RRP15: variants seen among roughly 807,000 people sequenced by gnomAD.
RRP15 encodes the protein RRP15-like protein.
Under a neutral mutation model 27.1 loss-of-function variants are expected in RRP15, and 18 were observed. The observed-to-expected ratio is 0.66, with a 90% CI of 0.46 to 0.98. The LOEUF (loss-of-function observed/expected upper bound fraction) is 0.98. Among genes scored for constraint, RRP15 ranks in the 50% least tolerant of loss-of-function variants. The probability of loss-of-function intolerance (pLI) is 0.00; values close to 1 mark genes in which losing one functional copy is unlikely to be tolerated. For synonymous variants in RRP15, 107 were observed against 109.4 expected (o/e 0.98, Z 0.14); for missense variants, 359 against 337.8 (o/e 1.06, Z -0.49).
At chr1:218,316,687 A>G (rs1185204927) in intron 4 of RRP15, among the ~76,000 whole-genome samples, 1 of 152,222 alleles carries the variant, frequency 6.6e-6, no homozygotes, top group African/African-American at 2.4e-5. Context: ...AATGATGCTT[A>G]ACACATAGTA....
chr1:218,310,531 A>G (rs1655977472), intron 4 of RRP15, among the ~76,000 whole-genome samples: 1 of 152,238 alleles, frequency 6.6e-6, no homozygotes. Flanking sequence ...TAGGTTATAT[A>G]CATTGAGCCC....
Position 218,305,023 on chromosome 1 carries a change from C to T in RRP15, c.406-5C>T, listed in dbSNP as rs575286401. On this transcript the variant is annotated splice_region_variant and splice_polypyrimidine_tract_variant and intron_variant, in intron 2 of 4. Coordinates refer to ENST00000366932, the MANE Select transcript of RRP15 (RefSeq NM_016052.4). The stretch of plus-strand genomic sequence containing the variant: ...TTCTTTCACATAACAATATTTATAA[C>T]GCAGCGTGATAAGAGGCTGGAGTGG... 25 of 1,610,694 alleles carry T rather than the reference C, an allele frequency of 1.6e-5. No individual in the cohort carries two copies. The highest frequency in any genetic ancestry group is 8.9e-5 in the East Asian group (4 of 44,830).
intron 4 of RRP15, among the ~76,000 whole-genome samples, chr1:218,314,990 CAA>C (rs76826029): frequency 3.7e-4 from 23 of 61,806 alleles, no homozygotes; most frequent in Admixed American, 3.6e-4. Flanking sequence ...GGCTCCATCT[CAA>C]AAAAAAAAAA....
chr1:218,289,868 G>A lies in RRP15; in HGVS notation c.139+4413G>A, dbSNP rs542740874. Among the ~76,000 whole-genome samples, 4 of 152,262 alleles carry A rather than the reference G, an allele frequency of 2.6e-5. No homozygotes were observed. The South Asian group carries it at 8.3e-4, about 32-fold the overall frequency. On this transcript the variant is annotated intron_variant, in intron 1 of 4. Coordinates refer to ENST00000366932, the MANE Select transcript of RRP15 (RefSeq NM_016052.4). ...CAGCTAATTTTGTATTTTTAGTAGA[G>A]ACAGAGTTTCTCCATGTTGGTCAGG...
At chr1:218,306,949 T>C (rs2102501321) in intron 3 of RRP15, among the ~76,000 whole-genome samples, 1 of 152,358 alleles carries the variant, frequency 6.6e-6, no homozygotes, top group South Asian at 2.1e-4. Flanking sequence ...ATGTGGCTTG[T>C]GGCTCCTGTA....
chr1:218,287,366 G>A (rs915448579), intron 1 of RRP15, among the ~76,000 whole-genome samples: 10 of 152,014 alleles, frequency 6.6e-5, no homozygotes, highest in Non-Finnish European at 1.2e-4. Context: ...ATGCTGATTA[G>A]GTTTTAAGGT....
In RRP15 at chr1:218,337,907, A is replaced by G. The variant is rs541222582; in HGVS notation, c.*6816A>G. On this transcript the variant is annotated 3_prime_UTR_variant, in exon 5 of 5. Coordinates refer to ENST00000366932, the MANE Select transcript of RRP15 (RefSeq NM_016052.4). ...ACCCTGCAATGAATGTTGAACATAA[A>G]AAATTTGACTCCCTTTCCATGTGTC... The G allele has an allele frequency of 6.6e-6, 1 of 152,286 alleles. No individual in the cohort carries two copies. The highest frequency in any genetic ancestry group is 1.9e-4 in the East Asian group (1 of 5,176). 9.4% of individuals were successfully genotyped at this position (152,286 alleles called of 1,614,324 possible).
At chr1:218,302,196 A>G in intron 1 of RRP15, 98 bp from the exon 2 acceptor site, 2 of 866,368 alleles carry the variant, frequency 2.3e-6, no homozygotes. Context: ...CCTTGCAAAA[A>G]TGGGGACAGG....
intron 1 of RRP15, 112 bp from the exon 2 acceptor site, chr1:218,302,181 AC>A (rs1287156172): frequency 4.1e-6 from 3 of 735,878 alleles, no homozygotes; most frequent in African/African-American, 1.8e-5. Context: ...TCAGAAAAGT[AC>A]CCCCCTTGCA....
chr1:218,329,837 T>A (rs1002489729), intron 4 of RRP15, among the ~76,000 whole-genome samples: 3 of 151,840 alleles, frequency 2.0e-5, no homozygotes, highest in African/African-American at 7.3e-5. Flanking sequence ...TTTTTTTTTT[T>A]AAATGGAATG....
At chr1:218,289,276 A>C (rs78887300) in intron 1 of RRP15, among the ~76,000 whole-genome samples, 4,479 of 152,298 alleles carry the variant, frequency 0.029, 89 homozygotes, top group East Asian at 0.072. Flanking sequence ...CCTGTAAGGT[A>C]GCTGATGGCA....
rs1253987695 is a variant in RRP15, at chr1:218,335,778, TA to T, written c.*4688del. The T allele has an allele frequency of 6.6e-6, 1 of 152,204 alleles. No homozygotes were observed. Among genetic ancestry groups the T allele is most frequent in the East Asian group, 1.9e-4 (1 of 5,206 alleles). The allele number at this position is 152,204 out of a possible 1,614,324, so 9.4% of individuals were successfully genotyped here. A position where few individuals can be genotyped will look rare whatever the true frequency, so the allele number is the denominator to read the frequency against. ...AACTTTTATTGATATAATTTAGGCA[TA>T]TACAAATACTGGTGAAATTTTATTG... On this transcript the variant is annotated 3_prime_UTR_variant, in exon 5 of 5. Transcript: ENST00000366932.
intron 3 of RRP15, 34 bp from the exon 4 acceptor site, chr1:218,307,397 T>G: frequency 6.4e-7 from 1 of 1,557,344 alleles, no homozygotes; most frequent in Non-Finnish European, 8.8e-7. Context: ...GGTAATTATT[T>G]AATACATCAT....
intron 4 of RRP15, among the ~76,000 whole-genome samples, chr1:218,326,086 C>T (rs959937448): frequency 6.6e-6 from 1 of 152,144 alleles, no homozygotes; most frequent in African/African-American, 2.4e-5. Flanking sequence ...GGGTGGATCA[C>T]GTGAAGTCAG....
intron 4 of RRP15, among the ~76,000 whole-genome samples, chr1:218,309,623 C>T (rs1655958704): frequency 7.7e-6 from 1 of 130,154 alleles, no homozygotes; most frequent in East Asian, 2.2e-4. Context: ...GCAGAGGGTG[C>T]AGTGAGCCGA....
intron 3 of RRP15, among the ~76,000 whole-genome samples, chr1:218,306,137 G>GAT (rs1442508540): frequency 2.0e-5 from 3 of 152,076 alleles, no homozygotes; most frequent in Non-Finnish European, 4.4e-5. Context: ...GAAGGGTCTG[G>GAT]AATTTTACTC....
At chr1:218,325,404 T>A (rs1385484095) in intron 4 of RRP15, among the ~76,000 whole-genome samples, 1 of 152,190 alleles carries the variant, frequency 6.6e-6, no homozygotes, top group Non-Finnish European at 1.5e-5. Context: ...AAAGGCTGCA[T>A]TGGAAGTAAA....
chr1:218,308,697 C>G (rs1269274580), intron 4 of RRP15, among the ~76,000 whole-genome samples: 1 of 152,130 alleles, frequency 6.6e-6, no homozygotes, highest in Non-Finnish European at 1.5e-5. Flanking sequence ...ATCTACTTGT[C>G]TCTTTCTTGA....
chr1:218,322,688 A>G (rs116807455), intron 4 of RRP15, among the ~76,000 whole-genome samples: 11 of 152,222 alleles, frequency 7.2e-5, no homozygotes, highest in Non-Finnish European at 1.2e-4. Flanking sequence ...TTAATTCTCT[A>G]GCTAGTCCTG....
Sources: gnomAD v4.1 joint callset for allele counts (sites outside exome capture counted in the v4.1 genomes callset) on GRCh38, gnomAD v4.1.1 for gene constraint, MANE v1.5 for transcripts, NCBI Gene and HGNC (gene_info 2026-07-23, HGNC 2026-07-21) for gene names.